CNTNAP5: variants seen among roughly 807,000 people sequenced by gnomAD.
CNTNAP5 encodes the protein contactin associated protein family member 5, also known as contactin-associated protein-like 5.
In CNTNAP5, 72 loss-of-function variants were observed where a neutral mutation model predicts 150.2. The observed-to-expected ratio is 0.48, with a 90% confidence interval of 0.40 to 0.58. CNTNAP5 has a LOEUF of 0.58. Ranked by LOEUF, CNTNAP5 falls within the 20% of genes least tolerant of loss-of-function variation. The probability of loss-of-function intolerance (pLI) is 0.00; values close to 1 mark genes in which losing one functional copy is unlikely to be tolerated. For missense variants in CNTNAP5, 1,636 were observed against 1,626.2 expected (o/e 1.01, Z -0.10); for synonymous variants, 672 against 619.8 (o/e 1.08, Z -1.25).
At chr2:124,716,082 T>G (rs1370251353) in intron 13 of CNTNAP5, among the ~76,000 whole-genome samples, 1 of 152,200 alleles carries the variant, frequency 6.6e-6, no homozygotes, top group Non-Finnish European at 1.5e-5. Context: ...ATTTCTTAAC[T>G]TTTTAAAGCC....
intron 3 of CNTNAP5, among the ~76,000 whole-genome samples, chr2:124,391,147 C>T (rs1013994429): frequency 6.6e-6 from 1 of 152,230 alleles, no homozygotes; most frequent in Non-Finnish European, 1.5e-5. Context: ...TAAAATATAC[C>T]TCACAGAGAC....
At chr2:124,468,106 G>C (rs1308329598) in intron 6 of CNTNAP5, among the ~76,000 whole-genome samples, 1 of 152,096 alleles carries the variant, frequency 6.6e-6, no homozygotes, top group African/African-American at 2.4e-5. Flanking sequence ...TTTCATTGCT[G>C]TTGTCTGTAG....
At chr2:124,547,538 T>C (rs1449758339) in intron 10 of CNTNAP5, among the ~76,000 whole-genome samples, 1 of 152,156 alleles carries the variant, frequency 6.6e-6, no homozygotes, top group African/African-American at 2.4e-5. Context: ...AGAACCCATC[T>C]ATGATTTGAT....
At chr2:124,134,995 T>G (rs2104607700) in intron 1 of CNTNAP5, 1 of 152,328 alleles carries the variant, frequency 6.6e-6, no homozygotes, top group South Asian at 2.1e-4. Context: ...TACATTGAAA[T>G]GAAAGGGATA....
intron 6 of CNTNAP5, among the ~76,000 whole-genome samples, chr2:124,455,468 A>G (rs986699262): frequency 4.6e-5 from 7 of 152,154 alleles, no homozygotes; most frequent in African/African-American, 1.7e-4. Context: ...TCTACCAGAC[A>G]TTCAAAGAAG....
At chr2:124,713,347 C>T (rs1194044449) in intron 13 of CNTNAP5, among the ~76,000 whole-genome samples, 2 of 116,774 alleles carry the variant, frequency 1.7e-5, no homozygotes, top group South Asian at 2.9e-4. Flanking sequence ...TTCTTTCTTT[C>T]TTTCTTTCTT....
chr2:124,388,740 A>C (rs1690999526), intron 3 of CNTNAP5, among the ~76,000 whole-genome samples: 1 of 151,610 alleles, frequency 6.6e-6, no homozygotes, highest in South Asian at 2.1e-4. Context: ...TGTCGCCCGG[A>C]GTGAGACTCC....
At chr2:124,416,555 C>T (rs544411550) in intron 3 of CNTNAP5, among the ~76,000 whole-genome samples, 138 of 152,228 alleles carry the variant, frequency 9.1e-4, no homozygotes, top group African/African-American at 3.1e-3. Flanking sequence ...CATTGTCTCC[C>T]TCCTGTAACA....
At chr2:124,200,644 T>A (rs938949813) in intron 1 of CNTNAP5, among the ~76,000 whole-genome samples, 3 of 152,360 alleles carry the variant, frequency 2.0e-5, no homozygotes, top group African/African-American at 7.2e-5. Flanking sequence ...TTACTCATAT[T>A]GTTTCACTGA....
At chr2:124,324,852 A>G (rs1689179041) in intron 3 of CNTNAP5, among the ~76,000 whole-genome samples, 1 of 152,178 alleles carries the variant, frequency 6.6e-6, no homozygotes, top group Non-Finnish European at 1.5e-5. Flanking sequence ...CATGAATCTA[A>G]GGTTTTTGTA....
chr2:124,189,409 G>C (rs1158652877), intron 1 of CNTNAP5, among the ~76,000 whole-genome samples: 1 of 152,134 alleles, frequency 6.6e-6, no homozygotes, highest in Non-Finnish European at 1.5e-5. Flanking sequence ...AGCTTGGCTT[G>C]GTCCTCACAC....
intron 19 of CNTNAP5, among the ~76,000 whole-genome samples, chr2:124,806,945 G>C (rs1257977378): frequency 1.4e-5 from 2 of 147,524 alleles, no homozygotes; most frequent in Middle Eastern, 3.2e-3. Context: ...CAGGGATAAA[G>C]AAAATGGGAG....
intron 11 of CNTNAP5, 44 bp downstream of exon 11, chr2:124,563,367 C>T (rs1467902723): frequency 9.0e-7 from 1 of 1,106,974 alleles, no homozygotes; most frequent in Non-Finnish European, 1.3e-6. Context: ...GGACAAAACT[C>T]CAGGAACACC....
At chr2:124,725,210 A>G (rs1475452058) in intron 13 of CNTNAP5, among the ~76,000 whole-genome samples, 1 of 152,122 alleles carries the variant, frequency 6.6e-6, no homozygotes, top group African/African-American at 2.4e-5. Flanking sequence ...ATTGAATTAA[A>G]AATATTTCCA....
intron 2 of CNTNAP5, among the ~76,000 whole-genome samples, chr2:124,225,947 G>A (rs1271404254): frequency 6.6e-6 from 1 of 152,068 alleles, no homozygotes; most frequent in African/African-American, 2.4e-5. Flanking sequence ...GCAAGTGGCA[G>A]GTTTTCTTTT....
intron 19 of CNTNAP5, among the ~76,000 whole-genome samples, chr2:124,859,110 A>C (rs1361161788): frequency 6.6e-6 from 1 of 152,076 alleles, no homozygotes; most frequent in Non-Finnish European, 1.5e-5. Flanking sequence ...CTACCATCAG[A>C]GTGAACAGGC....
intron 1 of CNTNAP5, among the ~76,000 whole-genome samples, chr2:124,072,390 A>G (rs207462301): frequency 6.6e-6 from 1 of 152,048 alleles, no homozygotes; most frequent in South Asian, 2.1e-4. Context: ...GAACAATCAA[A>G]CAAGGGAAAG....
At chr2:124,309,318 C>A (rs905628531) in intron 3 of CNTNAP5, among the ~76,000 whole-genome samples, 2 of 151,992 alleles carry the variant, frequency 1.3e-5, no homozygotes, top group African/African-American at 4.8e-5. Flanking sequence ...GACCATTGTA[C>A]AGATTAAATG....
intron 8 of CNTNAP5, 148 bp downstream of exon 8, chr2:124,504,704 T>C (rs1407345187): frequency 4.7e-5 from 3 of 63,716 alleles, no homozygotes; most frequent in Non-Finnish European, 8.2e-5. Flanking sequence ...AGAGGCAGCA[T>C]TTTTTTTTTT....
Sources: allele counts gnomAD v4.1 joint callset (sites outside exome capture counted in the v4.1 genomes callset), GRCh38; gene constraint gnomAD v4.1.1; transcripts MANE v1.5; gene names NCBI Gene and HGNC (gene_info 2026-07-23, HGNC 2026-07-21).